The following RPGRIP1L variants were observed in gnomAD, a reference collection of about 807,000 sequenced individuals.
RPGRIP1L encodes protein fantom.
A neutral mutation model predicts 160.4 loss-of-function variants in RPGRIP1L; 131 were observed. The ratio of observed to expected loss-of-function variants is 0.82; its 90% CI spans 0.71 to 0.94. The LOEUF is 0.94. Ranked by LOEUF, RPGRIP1L falls within the 40% of genes least tolerant of loss-of-function variation. The pLI is 0.00. For missense variants in RPGRIP1L, 1,522 were observed against 1,535.8 expected (o/e 0.99, Z 0.15); for synonymous variants, 510 against 515.8 (o/e 0.99, Z 0.15).
chr16:53,617,177 A>G (rs1041234594), intron 24 of RPGRIP1L, among the ~76,000 whole-genome samples: 1 of 151,168 alleles, frequency 6.6e-6, no homozygotes, highest in East Asian at 1.9e-4. Context: ...ACTTGAGCAT[A>G]TATCACAGTT....
At chr16:53,656,713 C>G in intron 13 of RPGRIP1L, 124 bp from the exon 14 acceptor site, 2 of 758,026 alleles carry the variant, frequency 2.6e-6, no homozygotes, top group Non-Finnish European at 4.7e-6. Flanking sequence ...CCATGGTTTC[C>G]TGACCTCAAG....
chr16:53,702,455 G>C (rs1971506827), intron 1 of RPGRIP1L, among the ~76,000 whole-genome samples: 1 of 152,148 alleles, frequency 6.6e-6, no homozygotes, highest in African/African-American at 2.4e-5. Context: ...GCACAATGCT[G>C]CAATGCCTCT....
In RPGRIP1L at chr16:53,648,840, A is replaced by G. The variant is rs1966760389; in HGVS notation, c.2304+124T>C. The G allele has an allele frequency of 4.5e-6, 4 of 897,042 alleles. No homozygotes were observed. In the South Asian group the frequency reaches 5.9e-5, roughly 13 times the overall value. 55.6% of individuals were successfully genotyped at this position (897,042 alleles called of 1,614,324 possible). On this transcript the variant is annotated intron_variant, in intron 16 of 26. Transcript: ENST00000647211. ...CTTCCTGTGAGTATATGATTACTTC[A>G]AAATAAAAGTTAAAAAAAGACACTT...
At chr16:53,610,909 C>T in intron 25 of RPGRIP1L, 58 bp downstream of exon 25, 1 of 1,337,018 alleles carries the variant, frequency 7.5e-7, no homozygotes, top group Non-Finnish European at 1.1e-6. Flanking sequence ...TAACCATGTC[C>T]TGCTACAGAG....
intron 25 of RPGRIP1L, chr16:53,608,006 CAG>C (rs1963792389): frequency 2.4e-5 from 24 of 983,612 alleles, no homozygotes; most frequent in Non-Finnish European, 2.9e-5. Context: ...TGGATGGACA[CAG>C]GGGGCAGATG....
At chr16:53,690,856 C>A (rs2892489) in intron 4 of RPGRIP1L, among the ~76,000 whole-genome samples, 72,905 of 151,994 alleles carry the variant, frequency 0.48, 21,399 homozygotes, top group African/African-American at 0.82. Flanking sequence ...CCATGTAAAA[C>A]AGTTACTCAG....
At chr16:53,627,015 C>T (rs1371103248) in intron 22 of RPGRIP1L, among the ~76,000 whole-genome samples, 1 of 152,080 alleles carries the variant, frequency 6.6e-6, no homozygotes, top group Non-Finnish European at 1.5e-5. Flanking sequence ...TGCTTCCTGA[C>T]TGATGATAAT....
chr16:53,640,286 G>A (rs1174037734), intron 19 of RPGRIP1L, among the ~76,000 whole-genome samples: 1 of 152,168 alleles, frequency 6.6e-6, no homozygotes, highest in African/African-American at 2.4e-5. Flanking sequence ...GACATGTTAA[G>A]TTTAAATTCC....
In RPGRIP1L at chr16:53,645,841, C is replaced by A. The variant is rs1051268898; in HGVS notation, c.2467G>T (p.Ala823Ser). The change falls in exon 17 of 27, where the codon GCA becomes TCA. Residue 823 changes from alanine to serine, a missense_variant. Physicochemically the swap from Ala to Ser is moderately conservative, Grantham distance 99 (BLOSUM62 1). Coordinates refer to ENST00000647211, the MANE Select transcript of RPGRIP1L (RefSeq NM_015272.5). ...GGAATGATAGCTGTATCATGGTCTGCAAAATCAAAAAACTTGTACACAACA... is the reference window on the plus strand; with the variant it reads ...GGAATGATAGCTGTATCATGGTCTGAAAAATCAAAAAACTTGTACACAACA... ...PYVVYKFFDF[A>S]DHDTAIIPSS... 3.7e-6 allele frequency: 6 copies of A among 1,613,932 alleles called. No individual in the cohort carries two copies. Among genetic ancestry groups the A allele is most frequent in the Non-Finnish European group, 5.1e-6 (6 of 1,180,018 alleles).
At chr16:53,626,846 A>C (rs556129221) in intron 22 of RPGRIP1L, among the ~76,000 whole-genome samples, 23 of 151,888 alleles carry the variant, frequency 1.5e-4, no homozygotes, top group Non-Finnish European at 2.5e-4. Flanking sequence ...TGGTGAACAG[A>C]AGTCATTCAA....
chr16:53,656,458 C>T lies in RPGRIP1L; in HGVS notation c.1699+14G>A, dbSNP rs188075133. On this transcript the variant is annotated intron_variant, in intron 14 of 26. Coordinates refer to ENST00000647211, the MANE Select transcript of RPGRIP1L (RefSeq NM_015272.5). ...CTCTAGTTACTGTGGACCAAAAAAT[C>T]GTATATGTTGTACCTTCTAGTTTAT... 7 of 1,538,222 alleles carry T rather than the reference C, an allele frequency of 4.6e-6. No homozygotes were observed. The highest frequency in any genetic ancestry group is 1.4e-5 in the African/African-American group (1 of 73,314).
intron 17 of RPGRIP1L, among the ~76,000 whole-genome samples, chr16:53,642,706 T>C (rs1966304874): frequency 6.6e-6 from 1 of 152,188 alleles, no homozygotes; most frequent in Non-Finnish European, 1.5e-5. Context: ...TAGGAATCTG[T>C]GGGACTGCTC....
intron 22 of RPGRIP1L, among the ~76,000 whole-genome samples, chr16:53,633,209 T>C (rs1965628476): frequency 6.6e-6 from 1 of 152,220 alleles, no homozygotes; most frequent in South Asian, 2.1e-4. Flanking sequence ...CAAGTATTTT[T>C]AAGCTTACAA....
chr16:53,652,406 G>A (rs1966870888), intron 15 of RPGRIP1L, 129 bp downstream of exon 15: 1 of 744,054 alleles, frequency 1.3e-6, no homozygotes, highest in Non-Finnish European at 2.3e-6. Context: ...ATTAACTGTG[G>A]GTAAAGAATG....
At chr16:53,658,344 A>G in intron 12 of RPGRIP1L, 70 bp downstream of exon 12, 1 of 1,093,674 alleles carries the variant, frequency 9.1e-7, no homozygotes, top group East Asian at 2.4e-5. Context: ...AGGGTTACAG[A>G]TAAGGGTCAT....
At chr16:53,674,326 C>A (rs1968977010) in intron 7 of RPGRIP1L, among the ~76,000 whole-genome samples, 1 of 152,144 alleles carries the variant, frequency 6.6e-6, no homozygotes, top group Non-Finnish European at 1.5e-5. Flanking sequence ...TTCTGCTCAA[C>A]TGGAATGTCT....
chr16:53,667,616 T>G (rs1968380227), intron 9 of RPGRIP1L, among the ~76,000 whole-genome samples: 1 of 152,182 alleles, frequency 6.6e-6, no homozygotes, highest in East Asian at 1.9e-4. Flanking sequence ...CTTGTGCCTG[T>G]AATCCCAGCA....
intron 22 of RPGRIP1L, among the ~76,000 whole-genome samples, chr16:53,624,916 C>CCACCAACG (rs1964989054): frequency 6.6e-6 from 1 of 152,102 alleles, no homozygotes; most frequent in Admixed American, 6.5e-5. Context: ...CAGGCGTGCG[C>CCACCAACG]CACCACGCCT....
At position 53,686,486 on chromosome 16, in the gene RPGRIP1L, A is replaced by G; in HGVS notation, c.723T>C (p.Asn241=). The G allele has an allele frequency of 1.2e-6, 2 of 1,613,512 alleles. No individual in the cohort carries two copies. Among genetic ancestry groups the G allele is most frequent in the Non-Finnish European group, 1.7e-6 (2 of 1,179,722 alleles). ...GCTGAAGAAGAGATAACTCAATTTC[A>G]TTTTCTTTTCTCCTCAACTGAGTTT... ...ILKTQLRRKE[N]EIELSLLQLR... Residue 241 remains asparagine, a synonymous_variant, in exon 6 of 27, where the codon AAT becomes AAC. Coordinates refer to ENST00000647211, the MANE Select transcript of RPGRIP1L (RefSeq NM_015272.5).
Sources: gnomAD v4.1 joint callset for allele counts (sites outside exome capture counted in the v4.1 genomes callset) on GRCh38, gnomAD v4.1.1 for gene constraint, MANE v1.5 for transcripts, NCBI Gene and HGNC (gene_info 2026-07-23, HGNC 2026-07-21) for gene names.